The following MOV10L1 variants were observed in gnomAD, a reference collection of about 807,000 sequenced individuals.
MOV10L1 encodes the protein Mov10 like RNA helicase 1, also known as RNA helicase Mov10l1.
MOV10L1 carries 110 observed loss-of-function variants against 143.8 expected under a neutral mutation model. That is an observed-to-expected ratio of 0.76 (90% CI 0.66 to 0.90). The LOEUF (loss-of-function observed/expected upper bound fraction) is 0.90, where lower values mean the gene tolerates loss of function less well. Ranked by LOEUF, MOV10L1 falls within the 40% of genes least tolerant of loss-of-function variation. The pLI is 0.00. For missense variants in MOV10L1, 1,406 were observed against 1,526.8 expected (o/e 0.92, Z 1.32); for synonymous variants, 593 against 581.1 (o/e 1.02, Z -0.29).
At chr22:50,114,683 G>A (rs1602194356) in intron 7 of MOV10L1, 61 bp downstream of exon 7, 1 of 1,593,868 alleles carries the variant, frequency 6.3e-7, no homozygotes, top group East Asian at 2.2e-5. Flanking sequence ...GTGGGGTTGT[G>A]AGTTCTGGAC....
At chr22:50,145,837 T>TG (rs2063138216) in intron 19 of MOV10L1, 27 bp downstream of exon 19, 1 of 1,612,240 alleles carries the variant, frequency 6.2e-7, no homozygotes, top group East Asian at 2.2e-5. Context: ...GAGCGCGGCA[T>TG]GGGGCCTCCC....
intron 16 of MOV10L1, 96 bp from the exon 17 acceptor site, chr22:50,142,947 G>T: frequency 8.5e-7 from 1 of 1,174,184 alleles, no homozygotes; most frequent in Non-Finnish European, 1.2e-6. Context: ...TTTAGCCTTT[G>T]CACAGACGTG....
chr22:50,099,601 A>G lies in MOV10L1; in HGVS notation c.441A>G (p.Glu147=). ...TTYFSLESVC[E]GFEPCKGDWV... is the part of the protein sequence containing the mutation. ...ACTTCTCTCTGGAGAGTGTGTGCGAAGGTATGCTCAGGGGTCTGTGTTCCA... is the reference window on the plus strand; with the variant it reads ...ACTTCTCTCTGGAGAGTGTGTGCGAGGGTATGCTCAGGGGTCTGTGTTCCA... The change falls in exon 3 of 27, where the codon GAA becomes GAG. Residue 147 remains glutamate (E), a splice_region_variant and synonymous_variant. Coordinates refer to ENST00000262794, the MANE Select transcript of MOV10L1 (RefSeq NM_018995.3). 6.2e-7 allele frequency: 1 copy of G among 1,607,378 alleles called. No individual in the cohort carries two copies. Among genetic ancestry groups the G allele is most frequent in the Non-Finnish European group, 8.5e-7 (1 of 1,174,368 alleles).
rs1448369989 is a variant in MOV10L1, at chr22:50,160,981, T to G, written c.3480T>G (p.Ala1160=). 1 of 1,614,036 alleles carries G rather than the reference T, an allele frequency of 6.2e-7. No individual in the cohort carries two copies. Among genetic ancestry groups the G allele is most frequent in the Admixed American group, 1.7e-5 (1 of 60,000 alleles). ...GCCAACAGGACCCCTGTTTTGGTGC[T>G]TTGCTGGAATACAGTATTACAAACG... ...HVLVRDPCFG[A]LLEYSITNGV... The change falls in exon 26 of 27, where the codon GCT becomes GCG. Residue 1160 remains alanine (A), a synonymous_variant. Transcript: ENST00000262794.
At chr22:50,118,324 T>G (rs1277810183) in intron 9 of MOV10L1, among the ~76,000 whole-genome samples, 1 of 152,122 alleles carries the variant, frequency 6.6e-6, no homozygotes, top group African/African-American at 2.4e-5. Flanking sequence ...TGATAGTCCC[T>G]GCCTCGTGTG....
At chr22:50,144,844 G>A (rs1056957941) in intron 18 of MOV10L1, among the ~76,000 whole-genome samples, 12 of 152,182 alleles carry the variant, frequency 7.9e-5, no homozygotes, top group African/African-American at 2.7e-4. Context: ...GCCTCCCAAA[G>A]TGCTGGGATT....
intron 18 of MOV10L1, 120 bp from the exon 19 acceptor site, chr22:50,145,568 GA>G: frequency 4.5e-6 from 6 of 1,319,846 alleles, no homozygotes; most frequent in Non-Finnish European, 6.3e-6. Flanking sequence ...GATATTTTGA[GA>G]AAAAAACCTT....
At chr22:50,117,423 G>A in intron 9 of MOV10L1, 72 bp downstream of exon 9, 1 of 1,494,488 alleles carries the variant, frequency 6.7e-7, no homozygotes, top group Non-Finnish European at 9.1e-7. Context: ...GACGTGCACT[G>A]GCAAGCGGTG....
chr22:50,131,362 G>A (rs1297395786), intron 13 of MOV10L1, among the ~76,000 whole-genome samples: 7 of 152,210 alleles, frequency 4.6e-5, no homozygotes, highest in East Asian at 1.9e-4. Context: ...TATCAGATAC[G>A]TGTCTGTGCA....
At chr22:50,148,244 G>C (rs2015460) in intron 19 of MOV10L1, among the ~76,000 whole-genome samples, 34,896 of 152,160 alleles carry the variant, frequency 0.23, 4,374 homozygotes, top group Admixed American at 0.36. Flanking sequence ...TCTGCCCCAA[G>C]AGCATTTCCC....
chr22:50,091,020 G>A (rs1423409075), intron 1 of MOV10L1: 1 of 172,770 alleles, frequency 5.8e-6, no homozygotes, highest in East Asian at 1.9e-4. Context: ...CCTTATGTGG[G>A]AATGGAATCC....
chr22:50,133,604 C>A (rs2062739569), intron 13 of MOV10L1, among the ~76,000 whole-genome samples: 1 of 151,786 alleles, frequency 6.6e-6, no homozygotes, highest in Admixed American at 6.6e-5. Flanking sequence ...GCAGTGGTGC[C>A]ATCTCAGCTT....
rs2063339503 is a variant in MOV10L1, at chr22:50,153,058, T to A, written c.2906T>A (p.Val969Glu). ...ATCTCCTCGCAGGTCACAAAGCTGG[T>A]GAAGAACTACCGGTCCCACGAGGCC... ...AHNPLLVTKL[V>E]KNYRSHEALL... is the part of the protein sequence containing the mutation. The change falls in exon 22 of 27, where the codon GTG becomes GAG. Residue 969 changes from valine (V) to glutamate (E), a missense_variant. Physicochemically the swap from Val to Glu is moderately radical, Grantham distance 121 (BLOSUM62 -2). Transcript: ENST00000262794. 1 of 1,606,560 alleles carries A rather than the reference T, an allele frequency of 6.2e-7. No homozygotes were observed. The highest frequency in any genetic ancestry group is 8.5e-7 in the Non-Finnish European group (1 of 1,174,542).
At chr22:50,156,049 C>T (rs2063418341) in intron 22 of MOV10L1, among the ~76,000 whole-genome samples, 1 of 151,872 alleles carries the variant, frequency 6.6e-6, no homozygotes, top group Non-Finnish European at 1.5e-5. Context: ...GAAACCCTGT[C>T]TCATTCATTC....
intron 8 of MOV10L1, 69 bp downstream of exon 8, chr22:50,115,315 T>TA: frequency 1.4e-6 from 2 of 1,416,364 alleles, no homozygotes; most frequent in Non-Finnish European, 1.8e-6. Context: ...TTGGGTGTTA[T>TA]AAAAGGTACT....
intron 2 of MOV10L1, chr22:50,094,363 A>G (rs1174332224): frequency 6.6e-6 from 1 of 151,364 alleles, no homozygotes; most frequent in Non-Finnish European, 1.5e-5. Flanking sequence ...CGTATTTTCA[A>G]ATTAATCTTT....
intron 3 of MOV10L1, among the ~76,000 whole-genome samples, chr22:50,104,964 T>C (rs2061833278): frequency 6.6e-6 from 1 of 150,612 alleles, no homozygotes; most frequent in Non-Finnish European, 1.5e-5. Context: ...CAGTCATAGC[T>C]CATTGCAGCC....
At chr22:50,146,856 C>T (rs558342769) in intron 19 of MOV10L1, 6 of 545,608 alleles carry the variant, frequency 1.1e-5, no homozygotes, top group Admixed American at 9.2e-5. Context: ...ATTAGTAGAA[C>T]GTGATTGATG....
In MOV10L1 at chr22:50,131,200, A is replaced by G. The variant is rs370022102; in HGVS notation, c.1910+2693A>G. 1.5e-4 allele frequency among the ~76,000 whole-genome samples: 23 copies of G among 151,792 alleles called. 1 individual carries two copies. The highest frequency in any genetic ancestry group is 3.9e-4 in the East Asian group (2 of 5,144). On this transcript the variant is annotated intron_variant, in intron 13 of 26. Coordinates refer to ENST00000262794, the MANE Select transcript of MOV10L1 (RefSeq NM_018995.3). The stretch of plus-strand genomic sequence containing the variant: ...TGGGATTACAGGTGTGGGCCACCAC[A>G]CCCGGCCACTGAACATCTTTTTATG...
Sources: allele counts gnomAD v4.1 joint callset (sites outside exome capture counted in the v4.1 genomes callset), GRCh38; gene constraint gnomAD v4.1.1; transcripts MANE v1.5; gene names NCBI Gene and HGNC (gene_info 2026-07-23, HGNC 2026-07-21).